The following UBE3A variants were observed in gnomAD, a reference collection of about 807,000 sequenced individuals.
UBE3A encodes the protein ubiquitin protein ligase E3A, also known as ubiquitin-protein ligase E3A.
Under a neutral mutation model 83.4 loss-of-function variants are expected in UBE3A, and 6 were observed. The observed-to-expected ratio is 0.07, with a 90% CI of 0.04 to 0.14. UBE3A has a LOEUF of 0.14. UBE3A is among the 10% of genes least tolerant of loss of function. UBE3A has a pLI of 1.00. For missense variants in UBE3A, 456 were observed against 1,036.1 expected, an observed-to-expected ratio of 0.44 and a Z score of 7.69; for synonymous variants, 337 against 355.4, an observed-to-expected ratio of 0.95 and a Z score of 0.58.
intron 9 of UBE3A, 71 bp from the exon 10 acceptor site, chr15:25,354,754 C>T: frequency 7.2e-7 from 1 of 1,383,246 alleles, no homozygotes; most frequent in Non-Finnish European, 9.9e-7. Flanking sequence ...TATTGGGCTG[C>T]ATAGCTTTTT....
chr15:25,361,112 C>T (rs939603576), intron 6 of UBE3A, among the ~76,000 whole-genome samples: 31 of 145,580 alleles, frequency 2.1e-4, no homozygotes, highest in Admixed American at 1.5e-3. Flanking sequence ...CATAACCTTA[C>T]TCATGTCCTT....
At chr15:25,351,215 T>C (rs765566778) in intron 11 of UBE3A, among the ~76,000 whole-genome samples, 7 of 152,174 alleles carry the variant, frequency 4.6e-5, no homozygotes, top group Non-Finnish European at 5.9e-5. Context: ...ACAGATCCTA[T>C]ATGTGGATCT....
chr15:25,396,804 C>T (rs2085681926), intron 4 of UBE3A, among the ~76,000 whole-genome samples: 2 of 151,810 alleles, frequency 1.3e-5, no homozygotes, highest in East Asian at 1.9e-4. Flanking sequence ...TTTTACTATG[C>T]TCTTCTACAT....
intron 1 of UBE3A, chr15:25,420,539 C>T (rs1186512467): frequency 6.6e-6 from 1 of 151,972 alleles, no homozygotes; most frequent in African/African-American, 2.4e-5. Context: ...AATATTTGAA[C>T]AGACACACAA....
chr15:25,420,037 A>T (rs1888980141), intron 1 of UBE3A, among the ~76,000 whole-genome samples: 1 of 152,164 alleles, frequency 6.6e-6, no homozygotes, highest in South Asian at 2.1e-4. Context: ...CAACTGCAAT[A>T]AATGTAAATG....
At chr15:25,397,350 A>G (rs2085818093) in intron 4 of UBE3A, among the ~76,000 whole-genome samples, 1 of 152,160 alleles carries the variant, frequency 6.6e-6, no homozygotes, top group African/African-American at 2.4e-5. Flanking sequence ...CTTGTGACAA[A>G]TAATCATGCC....
At chr15:25,427,881 A>T (rs1891862545) in intron 1 of UBE3A, among the ~76,000 whole-genome samples, 1 of 151,974 alleles carries the variant, frequency 6.6e-6, no homozygotes, top group African/African-American at 2.4e-5. Flanking sequence ...GTTTATACAC[A>T]CAGTGGAATA....
rs1329266463 is a variant in UBE3A, at chr15:25,354,234, T to C, written c.2354+119A>G. The C allele has an allele frequency of 4.1e-5, 34 of 832,540 alleles. 2 individuals carry two copies. The highest frequency in any genetic ancestry group is 3.7e-4 in the South Asian group (26 of 70,090). The allele number at this position is 832,540 out of a possible 1,614,324, so 51.6% of individuals were successfully genotyped here. A position where few individuals can be genotyped will look rare whatever the true frequency, so the allele number is the denominator to read the frequency against. ...TATTACAAATACAAATCTAAGTATATAGATGACAATTTGTGAGTTTGCTTA... is the reference window on the plus strand; with the variant it reads ...TATTACAAATACAAATCTAAGTATACAGATGACAATTTGTGAGTTTGCTTA... On this transcript the variant is annotated intron_variant, in intron 11 of 12. Coordinates refer to ENST00000648336, the MANE Select transcript of UBE3A (RefSeq NM_130839.5).
intron 4 of UBE3A, among the ~76,000 whole-genome samples, chr15:25,388,247 C>A (rs975309203): frequency 3.3e-5 from 5 of 152,100 alleles, no homozygotes; most frequent in African/African-American, 1.2e-4. Flanking sequence ...AATTTTACTA[C>A]AATGTATAAA....
chr15:25,381,009 C>T (rs936797017), intron 4 of UBE3A, among the ~76,000 whole-genome samples: 3 of 152,190 alleles, frequency 2.0e-5, no homozygotes, highest in African/African-American at 7.2e-5. Context: ...TTACTCTAGA[C>T]AACTTGACAG....
At chr15:25,378,628 A>G (rs2081627312) in intron 4 of UBE3A, among the ~76,000 whole-genome samples, 1 of 152,174 alleles carries the variant, frequency 6.6e-6, no homozygotes, top group African/African-American at 2.4e-5. Flanking sequence ...TACAGAACCA[A>G]GACAAGAATA....
chr15:25,413,936 T>A (rs904101997), intron 1 of UBE3A, among the ~76,000 whole-genome samples: 5 of 152,188 alleles, frequency 3.3e-5, no homozygotes, highest in Admixed American at 1.3e-4. Context: ...ACCTCATACA[T>A]GGCCTCTCTC....
chr15:25,387,729 C>T (rs780503610), intron 4 of UBE3A, among the ~76,000 whole-genome samples: 1 of 152,016 alleles, frequency 6.6e-6, no homozygotes, highest in Non-Finnish European at 1.5e-5. Context: ...AGCCTCTAGC[C>T]AGGCTAAGAA....
At chr15:25,412,284 T>C (rs1387741095) in intron 1 of UBE3A, among the ~76,000 whole-genome samples, 3 of 152,210 alleles carry the variant, frequency 2.0e-5, no homozygotes, top group Non-Finnish European at 2.9e-5. Flanking sequence ...TATTTGACTA[T>C]ATCCCTCTAA....
chr15:25,365,083 T>C (rs921807836), intron 6 of UBE3A, among the ~76,000 whole-genome samples: 1 of 152,134 alleles, frequency 6.6e-6, no homozygotes, highest in Non-Finnish European at 1.5e-5. Flanking sequence ...CTGCGTAACT[T>C]CCTCTTCTTT....
Position 25,371,331 on chromosome 15 carries a change from C to T in UBE3A, c.843G>A (p.Leu281=), listed in dbSNP as rs1354391768. The change falls in exon 6 of 13, where the codon CTG becomes CTA. Residue 281 remains leucine, a synonymous_variant. Transcript: ENST00000648336. The surrounding 1 kb of genome is among the most constrained non-coding windows in gnomAD (Gnocchi z 5.3). ...TCTCCATTACGATAATGAACAAATT[C>T]AGATAATTAGGATCTCGAGAGTATA... ...HNVYSRDPNY[L]NLFIIVMENR... is the part of the protein sequence containing the mutation. The T allele has an allele frequency of 1.1e-5, 17 of 1,614,046 alleles. No individual in the cohort carries two copies. Among genetic ancestry groups the T allele is most frequent in the Non-Finnish European group, 1.4e-5 (17 of 1,179,984 alleles).
At position 25,367,191 on chromosome 15, in the gene UBE3A, A is replaced by ATATTTACATATTTGTAAATATG. The variant is rs2079298205; in HGVS notation, c.1608+3353_1608+3374dup. ...TATTTACATATTTGTAAATATGTAA[A>ATATTTACATATTTGTAAATATG]TATTTACATATTTGTAAATATGTAA... On this transcript the variant is annotated intron_variant, in intron 6 of 12. Coordinates refer to ENST00000648336, the MANE Select transcript of UBE3A (RefSeq NM_130839.5). Among the ~76,000 whole-genome samples the ATATTTACATATTTGTAAATATG allele has an allele frequency of 5.3e-5, 6 of 114,234 alleles. No homozygotes were observed. The East Asian group carries it at 1.1e-3, about 21-fold the overall frequency. 74.9% of individuals were successfully genotyped at this position (114,234 alleles called of 152,430 possible). A position where few individuals can be genotyped will look rare whatever the true frequency, so the allele number is the denominator to read the frequency against.
intron 3 of UBE3A, chr15:25,405,741 C>A (rs965288894): frequency 1.8e-6 from 1 of 542,490 alleles, no homozygotes; most frequent in Non-Finnish European, 3.3e-6. Context: ...AAACTGTAAA[C>A]GCTATACATA....
At chr15:25,386,819 A>C (rs1325871537) in intron 4 of UBE3A, among the ~76,000 whole-genome samples, 1 of 152,130 alleles carries the variant, frequency 6.6e-6, no homozygotes, top group Admixed American at 6.5e-5. Context: ...AAAAAACCAT[A>C]AACCTAGCAC....
Sources: gnomAD v4.1 joint callset for allele counts (sites outside exome capture counted in the v4.1 genomes callset) on GRCh38, gnomAD v4.1.1 for gene constraint, Gnocchi (gnomAD v3.1) non-coding constraint, MANE v1.5 for transcripts, NCBI Gene and HGNC (gene_info 2026-07-23, HGNC 2026-07-21) for gene names.